ANO10: variants seen among roughly 807,000 people sequenced by gnomAD.
The protein encoded by ANO10 is anoctamin-10.
Under a neutral mutation model 74.7 loss-of-function variants are expected in ANO10, and 77 were observed. The ratio of observed to expected loss-of-function variants is 1.03; its 90% CI spans 0.86 to 1.25. The LOEUF is 1.25. ANO10 is among the 50% of genes most tolerant of loss of function. The pLI, the probability that ANO10 is intolerant of heterozygous loss-of-function variation, is 0.00. For missense variants in ANO10, 721 were observed against 778.1 expected (o/e 0.93, Z 0.87); for synonymous variants, 279 against 284.9 (o/e 0.98, Z 0.21).
intron 11 of ANO10, among the ~76,000 whole-genome samples, chr3:43,435,628 C>T (rs2093055459): frequency 6.6e-6 from 1 of 152,132 alleles, no homozygotes; most frequent in Admixed American, 6.6e-5. Context: ...TCAACTACTT[C>T]CTAACCTTCT....
chr3:43,547,760 A>C (rs966814197), intron 11 of ANO10, among the ~76,000 whole-genome samples: 1 of 152,220 alleles, frequency 6.6e-6, no homozygotes. Flanking sequence ...CTCCCGAATT[A>C]AGTAAGAAGA....
At chr3:43,477,543 A>C (rs1233646887) in intron 11 of ANO10, among the ~76,000 whole-genome samples, 1 of 152,190 alleles carries the variant, frequency 6.6e-6, no homozygotes, top group Non-Finnish European at 1.5e-5. Flanking sequence ...CATAAAAGTC[A>C]TTTGCAAATC....
intron 8 of ANO10, among the ~76,000 whole-genome samples, chr3:43,564,051 A>T (rs763223732): frequency 6.1e-5 from 9 of 148,330 alleles, no homozygotes; most frequent in African/African-American, 1.5e-4. Context: ...ATCATTACAC[A>T]TTTTTTTTTT....
chr3:43,399,668 C>G (rs145989788), intron 12 of ANO10, among the ~76,000 whole-genome samples: 9 of 152,106 alleles, frequency 5.9e-5, no homozygotes, highest in Admixed American at 4.6e-4. Flanking sequence ...GCTCTGTGTA[C>G]GTAGACTGCA....
chr3:43,429,129 C>T (rs771537046), intron 12 of ANO10, among the ~76,000 whole-genome samples: 21 of 152,066 alleles, frequency 1.4e-4, no homozygotes, highest in Non-Finnish European at 2.5e-4. Flanking sequence ...CCATAGTAAA[C>T]ACATATCCAT....
intron 12 of ANO10, among the ~76,000 whole-genome samples, chr3:43,425,949 A>G (rs181273006): frequency 2.6e-5 from 4 of 152,234 alleles, no homozygotes; most frequent in Non-Finnish European, 5.9e-5. Flanking sequence ...TCCCCTCTGA[A>G]GGGTGCTACC....
intron 12 of ANO10, among the ~76,000 whole-genome samples, chr3:43,390,929 G>A (rs1414850421): frequency 6.6e-6 from 1 of 152,146 alleles, no homozygotes; most frequent in Non-Finnish European, 1.5e-5. Flanking sequence ...AGTAGGTCTG[G>A]GGAGGAGTAT....
intron 1 of ANO10, among the ~76,000 whole-genome samples, chr3:43,666,705 G>A (rs981686610): frequency 5.3e-5 from 8 of 152,162 alleles, no homozygotes; most frequent in Non-Finnish European, 1.2e-4. Context: ...AGTTCTGGGG[G>A]CTGAGAAGTC....
intron 10 of ANO10, chr3:43,551,412 T>C (rs1418449931): frequency 1.2e-5 from 5 of 418,812 alleles, no homozygotes; most frequent in East Asian, 7.3e-5. Flanking sequence ...ATAATTTACA[T>C]ATAATAAACT....
intron 12 of ANO10, among the ~76,000 whole-genome samples, chr3:43,371,094 C>A (rs2091594310): frequency 6.6e-6 from 1 of 152,178 alleles, no homozygotes; most frequent in Non-Finnish European, 1.5e-5. Flanking sequence ...CAGGGAATCA[C>A]TACCATTTGA....
At chr3:43,449,347 T>A (rs959400491) in intron 11 of ANO10, among the ~76,000 whole-genome samples, 8 of 152,252 alleles carry the variant, frequency 5.3e-5, no homozygotes, top group Middle Eastern at 3.4e-3. Flanking sequence ...ATAAATTATT[T>A]CTTTCAAGCT....
At position 43,566,870 on chromosome 3, in the gene ANO10, C is replaced by T. The variant is rs545277265; in HGVS notation, c.1219-1143G>A. On this transcript the variant is annotated intron_variant, in intron 7 of 12. Transcript: ENST00000292246. ...CGAGCTGAGAGAAGAAGGCTTCAGA[C>T]GATCAAATTACTCTGAGCTACGGGA... Among the ~76,000 whole-genome samples the T allele has an allele frequency of 9.4e-3, 1,432 of 152,152 alleles. 9 individuals carry two copies. The highest frequency in any genetic ancestry group is 0.015 in the Non-Finnish European group (1,019 of 67,988).
At chr3:43,388,815 G>C (rs182982612) in intron 12 of ANO10, among the ~76,000 whole-genome samples, 13 of 152,336 alleles carry the variant, frequency 8.5e-5, no homozygotes, top group East Asian at 7.7e-4. Flanking sequence ...AAAATACTAA[G>C]AGAAGTAGTA....
chr3:43,609,711 C>T (rs775870805), intron 1 of ANO10, among the ~76,000 whole-genome samples: 1 of 152,162 alleles, frequency 6.6e-6, no homozygotes, highest in Non-Finnish European at 1.5e-5. Context: ...TCCAAGGCCA[C>T]AAACCTATAC....
intron 12 of ANO10, among the ~76,000 whole-genome samples, chr3:43,403,537 A>T (rs1399015610): frequency 6.6e-6 from 1 of 152,212 alleles, no homozygotes. Context: ...AGAAAGGCAA[A>T]TGTGGCCTAT....
At chr3:43,588,512 CATTT>C (rs1423163500) in intron 4 of ANO10, among the ~76,000 whole-genome samples, 1 of 149,736 alleles carries the variant, frequency 6.7e-6, no homozygotes, top group Non-Finnish European at 1.5e-5. Flanking sequence ...CAAAATATGT[CATTT>C]ATTTAAGTTT....
rs141098900 is a variant in ANO10, at chr3:43,400,970, G to C, written c.1914+31641C>G. Among the ~76,000 whole-genome samples the C allele has an allele frequency of 6.8e-4, 104 of 152,146 alleles. 2 individuals are homozygous for C. Among genetic ancestry groups the C allele is most frequent in the African/African-American group, 2.1e-3 (86 of 41,510 alleles). ...GTGTCAAGAACTTTTTTTCCCTTCC[G>C]TTAATCCTCTTTCATGATGGACTTT... On this transcript the variant is annotated intron_variant, in intron 12 of 12. Transcript: ENST00000292246.
intron 1 of ANO10, among the ~76,000 whole-genome samples, chr3:43,611,549 A>T (rs1223076263): frequency 6.6e-6 from 1 of 152,074 alleles, no homozygotes; most frequent in Non-Finnish European, 1.5e-5. Context: ...TCAATTCATG[A>T]CCTCTCAGTT....
At chr3:43,401,414 G>GA (rs146827659) in intron 12 of ANO10, among the ~76,000 whole-genome samples, 1 of 152,058 alleles carries the variant, frequency 6.6e-6, no homozygotes, top group African/African-American at 2.4e-5. Flanking sequence ...AGGCGGGGGG[G>GA]AAACGCCATA....
Sources: allele counts gnomAD v4.1 joint callset (sites outside exome capture counted in the v4.1 genomes callset), GRCh38; gene constraint gnomAD v4.1.1; transcripts MANE v1.5; gene names NCBI Gene and HGNC (gene_info 2026-07-23, HGNC 2026-07-21).